RYR3: variants seen among roughly 807,000 people sequenced by gnomAD.
RYR3 encodes the protein brain ryanodine receptor-calcium release channel.
Under a neutral mutation model 584.3 loss-of-function variants are expected in RYR3, and 207 were observed. That is an observed-to-expected ratio of 0.35 (90% CI 0.32 to 0.40). The LOEUF (loss-of-function observed/expected upper bound fraction) is 0.40, where lower values mean the gene tolerates loss of function less well. Among genes scored for constraint, RYR3 ranks in the 10% least tolerant of loss-of-function variants. RYR3 has a pLI of 1.00. For synonymous variants in RYR3, 2,416 were observed against 2,248.5 expected (o/e 1.07, Z -2.11); for missense variants, 5,616 against 6,089.2 (o/e 0.92, Z 2.59).
chr15:33,698,001 T>C lies in RYR3; in HGVS notation c.6249+5T>C. The C allele has an allele frequency of 1.3e-6, 2 of 1,593,374 alleles. No homozygotes were observed. The highest frequency in any genetic ancestry group is 1.7e-6 in the Non-Finnish European group (2 of 1,161,186). On this transcript the variant is annotated splice_donor_5th_base_variant and intron_variant, in intron 40 of 103. Transcript: ENST00000634891. ...TTGGGTACAGAGAAATCTCAGGTAA[T>C]GCTAAAAGGAGAACCTAGCCAGAAC...
chr15:33,568,603 T>A (rs1014894287), intron 12 of RYR3, among the ~76,000 whole-genome samples: 2 of 152,174 alleles, frequency 1.3e-5, no homozygotes, highest in Non-Finnish European at 1.5e-5. Flanking sequence ...GCTAATTTTT[T>A]AATTTTTTGT....
chr15:33,753,038 G>T (rs2071472982), intron 57 of RYR3, among the ~76,000 whole-genome samples: 1 of 152,092 alleles, frequency 6.6e-6, no homozygotes, highest in Non-Finnish European at 1.5e-5. Flanking sequence ...TGTGGTTTTT[G>T]TCATTGGTTC....
At chr15:33,724,547 G>A (rs894964111) in intron 45 of RYR3, among the ~76,000 whole-genome samples, 3 of 152,180 alleles carry the variant, frequency 2.0e-5, no homozygotes, top group African/African-American at 7.2e-5. Context: ...TGATGACTGT[G>A]GCGTTAGGCC....
intron 60 of RYR3, among the ~76,000 whole-genome samples, chr15:33,758,493 C>T (rs1400230454): frequency 6.6e-6 from 1 of 152,118 alleles, no homozygotes; most frequent in Admixed American, 6.5e-5. Context: ...TTGAGTAGGC[C>T]GTTTTCCCCT....
intron 19 of RYR3, among the ~76,000 whole-genome samples, chr15:33,614,330 A>C (rs924843615): frequency 3.3e-5 from 5 of 152,194 alleles, no homozygotes; most frequent in Admixed American, 6.6e-5. Context: ...TTTTAAAAAA[A>C]ATTCTAAAGA....
chr15:33,649,011 C>T (rs1339920880), intron 30 of RYR3, 61 bp from the exon 31 acceptor site: 1 of 1,521,494 alleles, frequency 6.6e-7, no homozygotes, highest in East Asian at 2.3e-5. Context: ...CTCTTGGGCC[C>T]CCTATCTTCA....
At chr15:33,365,018 A>G (rs918576832) in intron 1 of RYR3, among the ~76,000 whole-genome samples, 12 of 152,210 alleles carry the variant, frequency 7.9e-5, no homozygotes, top group African/African-American at 2.7e-4. Context: ...CTGAAGATGG[A>G]CAGAGGGACA....
At chr15:33,331,273 C>T (rs1024404529) in intron 1 of RYR3, among the ~76,000 whole-genome samples, 7 of 152,040 alleles carry the variant, frequency 4.6e-5, no homozygotes, top group Non-Finnish European at 1.0e-4. Context: ...TTCTTGATGT[C>T]TCAGTACTTT....
chr15:33,330,057 C>T (rs1452629719), intron 1 of RYR3, among the ~76,000 whole-genome samples: 1 of 152,094 alleles, frequency 6.6e-6, no homozygotes, highest in African/African-American at 2.4e-5. Flanking sequence ...GCACTCTGGG[C>T]CAAGAACAGT....
Position 33,724,082 on chromosome 15 carries a change from A to G in RYR3, c.6818A>G (p.Glu2273Gly). The change falls in exon 45 of 104, where the codon GAA becomes GGA. Residue 2273 changes from glutamate to glycine, a missense_variant. Coordinates refer to ENST00000634891, the MANE Select transcript of RYR3 (RefSeq NM_001036.6). Reference sequence around the variant, plus strand: ...TCTCTCAGCAGCACGGGGGACGATGAAGAGGAAGAAGAAATCGTGCATATG... The same window carrying G: ...TCTCTCAGCAGCACGGGGGACGATGGAGAGGAAGAAGAAATCGTGCATATG... ...YKREVSTGDD[E>G]EEEEIVHMGN... 1.2e-6 allele frequency: 2 copies of G among 1,609,108 alleles called. No individual in the cohort carries two copies.
chr15:33,358,522 G>C (rs1235544110), intron 1 of RYR3, among the ~76,000 whole-genome samples: 2 of 152,082 alleles, frequency 1.3e-5, no homozygotes, highest in Admixed American at 6.6e-5. Context: ...CTGTGAAAAG[G>C]CTGCAGAGAC....
intron 1 of RYR3, among the ~76,000 whole-genome samples, chr15:33,459,196 T>C (rs2047815314): frequency 6.6e-6 from 1 of 152,232 alleles, no homozygotes; most frequent in Non-Finnish European, 1.5e-5. Flanking sequence ...TGCTCACATA[T>C]GGTTGAGCCC....
At chr15:33,864,217 G>C in intron 103 of RYR3, 28 bp downstream of exon 103, 10 of 1,570,040 alleles carry the variant, frequency 6.4e-6, no homozygotes, top group Non-Finnish European at 8.7e-6. Context: ...ATATACCCGT[G>C]TTAGATCTCC....
intron 20 of RYR3, 90 bp from the exon 21 acceptor site, chr15:33,628,381 G>A: frequency 1.2e-6 from 1 of 827,284 alleles, no homozygotes; most frequent in East Asian, 2.6e-5. Flanking sequence ...CCTGGGTGAT[G>A]TGCCAATTCA....
chr15:33,412,507 G>A lies in RYR3; in HGVS notation c.52-60912G>A, dbSNP rs1442053537. On this transcript the variant is annotated intron_variant, in intron 1 of 103. Coordinates refer to ENST00000634891, the MANE Select transcript of RYR3 (RefSeq NM_001036.6). The surrounding 1 kb of genome is among the most constrained non-coding windows in gnomAD (Gnocchi z 4.3). Reference sequence around the variant, plus strand: ...ATCACTTTGAAGCCACCCTGGCCACGTGCATTGGCAGAAGTCTCCCTGCCC... The same window carrying A: ...ATCACTTTGAAGCCACCCTGGCCACATGCATTGGCAGAAGTCTCCCTGCCC... Among the ~76,000 whole-genome samples, 1 of 152,138 alleles carries A rather than the reference G, an allele frequency of 6.6e-6. No individual in the cohort carries two copies. The highest frequency in any genetic ancestry group is 1.5e-5 in the Non-Finnish European group (1 of 68,028).
chr15:33,663,655 A>G lies in RYR3; in HGVS notation c.5537A>G (p.Asn1846Ser), dbSNP rs746749749. ...CAGGCAAATCAGAAGTTCCGCTACA[A>G]TGAGCTCATGCAGGCCCTGAACATG... ...KLQANQKFRY[N>S]ELMQALNMSA... The change falls in exon 36 of 104, where the codon AAT (asparagine) becomes AGT (serine). Residue 1846 changes from asparagine (N) to serine (S), a missense_variant. By Grantham distance (46) the Asn-to-Ser change is conservative (BLOSUM62 1). Around this residue, in one of 9 missense-constraint regions of RYR3, gnomAD observed 1,280 missense variants for 1,426.2 expected, o/e 0.90. Transcript: ENST00000634891. The G allele has an allele frequency of 1.9e-6, 3 of 1,613,138 alleles. No individual in the cohort carries two copies. Among genetic ancestry groups the G allele is most frequent in the Admixed American group, 1.7e-5 (1 of 59,974 alleles).
chr15:33,780,090 G>C, intron 64 of RYR3, 121 bp from the exon 65 acceptor site: 1 of 1,152,444 alleles, frequency 8.7e-7, no homozygotes, highest in South Asian at 1.6e-5. Context: ...GTGCATGCAA[G>C]CTTGCTGAGC....
Position 33,826,661 on chromosome 15 carries a change from G to C in RYR3, c.11165-11G>C. 1.9e-6 allele frequency: 3 copies of C among 1,610,304 alleles called. No individual in the cohort carries two copies. Among genetic ancestry groups the C allele is most frequent in the Non-Finnish European group, 2.5e-6 (3 of 1,176,602 alleles). Reference sequence around the variant, plus strand: ...CCAAACCAATGCTCATCAACGTTCTGTGTTTTCAAGGTGAAAAAGTACTCC... The same window carrying C: ...CCAAACCAATGCTCATCAACGTTCTCTGTTTTCAAGGTGAAAAAGTACTCC... On this transcript the variant is annotated splice_polypyrimidine_tract_variant and intron_variant, in intron 83 of 103. Coordinates refer to ENST00000634891, the MANE Select transcript of RYR3 (RefSeq NM_001036.6).
At chr15:33,733,893 T>C (rs2069172452) in intron 48 of RYR3, among the ~76,000 whole-genome samples, 1 of 152,168 alleles carries the variant, frequency 6.6e-6, no homozygotes, top group Non-Finnish European at 1.5e-5. Context: ...CGAAAACTGC[T>C]CTGAAAAATA....
Sources: allele counts gnomAD v4.1 joint callset (sites outside exome capture counted in the v4.1 genomes callset), GRCh38; gene constraint gnomAD v4.1.1; regional missense constraint gnomAD v4.1.1; non-coding constraint Gnocchi (gnomAD v3.1); transcripts MANE v1.5; gene names NCBI Gene and HGNC (gene_info 2026-07-23, HGNC 2026-07-21).